CORIN: variants seen among roughly 807,000 people sequenced by gnomAD.
The protein encoded by CORIN is atrial natriuretic peptide-converting enzyme.
In CORIN, 117 loss-of-function variants were observed where a neutral mutation model predicts 125.3. The observed-to-expected ratio is 0.93, with a 90% CI of 0.80 to 1.09. CORIN has a LOEUF of 1.09. Ranked by LOEUF, CORIN falls within the 50% of genes least tolerant of loss-of-function variation. CORIN has a pLI of 0.00. For synonymous variants in CORIN, 450 were observed against 466.4 expected (o/e 0.96, Z 0.45); for missense variants, 1,253 against 1,306.7 (o/e 0.96, Z 0.63).
intron 19 of CORIN, among the ~76,000 whole-genome samples, chr4:47,621,608 C>G (rs544081115): frequency 6.6e-6 from 1 of 152,106 alleles, no homozygotes; most frequent in Non-Finnish European, 1.5e-5. Context: ...CAGTGATGTT[C>G]GTCAGTTTGG....
In CORIN at chr4:47,653,537, C is replaced by T. The variant is rs1723831405; in HGVS notation, c.1843+16G>A. On this transcript the variant is annotated intron_variant, in intron 13 of 21. Coordinates refer to ENST00000273857, the MANE Select transcript of CORIN (RefSeq NM_006587.4). The stretch of plus-strand genomic sequence containing the variant: ...ATCACTGTACATTCAAGAAAAGTAC[C>T]ATTGCACATACATACCACAGTTTTC... 2 of 1,594,082 alleles carry T rather than the reference C, an allele frequency of 1.3e-6. No homozygotes were observed. Among genetic ancestry groups the T allele is most frequent in the East Asian group, 4.5e-5 (2 of 44,768 alleles).
intron 19 of CORIN, among the ~76,000 whole-genome samples, chr4:47,607,227 TG>T (rs1721684640): frequency 6.6e-6 from 1 of 151,966 alleles, no homozygotes; most frequent in Non-Finnish European, 1.5e-5. Flanking sequence ...GCTAACGCGG[TG>T]AAACCCCGTC....
At chr4:47,794,720 T>C (rs1310847075) in intron 2 of CORIN, among the ~76,000 whole-genome samples, 6 of 152,112 alleles carry the variant, frequency 3.9e-5, no homozygotes, top group African/African-American at 4.8e-5. Flanking sequence ...CCATACCCCA[T>C]ACATTTATAG....
chr4:47,772,591 T>G (rs1368919840), intron 3 of CORIN, among the ~76,000 whole-genome samples: 1 of 152,206 alleles, frequency 6.6e-6, no homozygotes, highest in East Asian at 1.9e-4. Context: ...GGTTCCACAG[T>G]CTGATTCAAA....
chr4:47,754,016 C>T (rs1050843073), intron 4 of CORIN, among the ~76,000 whole-genome samples: 5 of 152,088 alleles, frequency 3.3e-5, no homozygotes, highest in Non-Finnish European at 5.9e-5. Context: ...CACATAATAC[C>T]GATGAATTAT....
intron 16 of CORIN, among the ~76,000 whole-genome samples, chr4:47,630,561 G>A (rs73140097): frequency 1.9e-4 from 29 of 152,180 alleles, no homozygotes; most frequent in African/African-American, 6.7e-4. Context: ...ATTCATACAC[G>A]GAGAAGGAAA....
intron 12 of CORIN, among the ~76,000 whole-genome samples, chr4:47,660,896 A>G (rs1222163241): frequency 3.9e-5 from 6 of 152,232 alleles, no homozygotes; most frequent in Non-Finnish European, 2.9e-5. Flanking sequence ...TTGCAGCACT[A>G]TTCACAATAG....
chr4:47,762,100 A>G (rs1242880882), intron 4 of CORIN, among the ~76,000 whole-genome samples: 2 of 152,148 alleles, frequency 1.3e-5, no homozygotes, highest in African/African-American at 4.8e-5. Context: ...ATATATGTAC[A>G]CACATATGTG....
intron 6 of CORIN, 37 bp from the exon 7 acceptor site, chr4:47,683,875 C>T (rs755467450): frequency 2.1e-6 from 3 of 1,462,910 alleles, no homozygotes; most frequent in South Asian, 1.2e-5. Context: ...GTCATCAGAG[C>T]CATACAGAAT....
intron 5 of CORIN, among the ~76,000 whole-genome samples, chr4:47,714,362 T>C (rs368536415): frequency 1.6e-4 from 25 of 152,158 alleles, no homozygotes; most frequent in African/African-American, 5.6e-4. Flanking sequence ...TTAGGTAAAA[T>C]AAGATTCATT....
chr4:47,608,449 C>G (rs1721746802), intron 19 of CORIN, among the ~76,000 whole-genome samples: 1 of 152,210 alleles, frequency 6.6e-6, no homozygotes. Flanking sequence ...GCAAGGAGAG[C>G]TGGCACATCT....
intron 13 of CORIN, among the ~76,000 whole-genome samples, 156 bp from the exon 14 acceptor site, chr4:47,645,350 C>T (rs946668004): frequency 1.3e-5 from 2 of 150,560 alleles, no homozygotes; most frequent in African/African-American, 4.9e-5. Context: ...CTGAGGTGGG[C>T]GGATCACAAG....
intron 4 of CORIN, among the ~76,000 whole-genome samples, chr4:47,749,131 A>C (rs1365858335): frequency 1.3e-5 from 2 of 152,074 alleles, no homozygotes; most frequent in South Asian, 4.1e-4. Context: ...AAAAAAAAAA[A>C]CAGAATCTTT....
intron 5 of CORIN, among the ~76,000 whole-genome samples, chr4:47,720,791 G>A (rs560774483): frequency 6.6e-6 from 1 of 152,266 alleles, no homozygotes; most frequent in East Asian, 1.9e-4. Context: ...TAAGCTAAAT[G>A]TACACAGAAA....
chr4:47,694,537 T>C (rs1277535333), intron 5 of CORIN, among the ~76,000 whole-genome samples: 1 of 152,068 alleles, frequency 6.6e-6, no homozygotes, highest in Non-Finnish European at 1.5e-5. Flanking sequence ...CACCATTCCC[T>C]GCAGTATGTA....
At position 47,645,025 on chromosome 4, in the gene CORIN, CTT is replaced by C. The variant is rs1723403234; in HGVS notation, c.1957+54_1957+55del. ...CTTTTAGCTTGTATTCAAAATGAGACTTAACTGGTGTTTAAAATAAAAATGCT... is the reference window on the plus strand; with the variant it reads ...CTTTTAGCTTGTATTCAAAATGAGACAACTGGTGTTTAAAATAAAAATGCT... On this transcript the variant is annotated intron_variant, in intron 14 of 21. Coordinates refer to ENST00000273857, the MANE Select transcript of CORIN (RefSeq NM_006587.4). 4 of 950,152 alleles carry C rather than the reference CTT, an allele frequency of 4.2e-6. No individual in the cohort carries two copies. The Middle Eastern group carries it at 6.5e-4, about 155-fold the overall frequency. 58.9% of individuals were successfully genotyped at this position (950,152 alleles called of 1,614,324 possible). A position where few individuals can be genotyped will look rare whatever the true frequency, so the allele number is the denominator to read the frequency against.
chr4:47,790,584 A>G (rs982430637), intron 2 of CORIN, among the ~76,000 whole-genome samples: 23 of 152,140 alleles, frequency 1.5e-4, no homozygotes, highest in African/African-American at 4.8e-4. Context: ...AAGTCCTACA[A>G]CATTGGGATC....
At chr4:47,687,829 C>T (rs1725586787) in intron 6 of CORIN, among the ~76,000 whole-genome samples, 1 of 152,164 alleles carries the variant, frequency 6.6e-6, no homozygotes, top group Non-Finnish European at 1.5e-5. Flanking sequence ...TCATTTACAG[C>T]AGAACCATGA....
At chr4:47,823,745 C>T (rs1351751743) in intron 1 of CORIN, among the ~76,000 whole-genome samples, 2 of 152,168 alleles carry the variant, frequency 1.3e-5, no homozygotes, top group Non-Finnish European at 2.9e-5. Flanking sequence ...TGATCAATCC[C>T]CCAGTCTGTA....
Sources: gnomAD v4.1 joint callset for allele counts (sites outside exome capture counted in the v4.1 genomes callset) on GRCh38, gnomAD v4.1.1 for gene constraint, MANE v1.5 for transcripts, NCBI Gene and HGNC (gene_info 2026-07-23, HGNC 2026-07-21) for gene names.